ITPK1: variants seen among roughly 807,000 people sequenced by gnomAD.
ITPK1 encodes inositol-tetrakisphosphate 1-kinase.
In ITPK1, 21 loss-of-function variants were observed where a neutral mutation model predicts 45.3. The ratio of observed to expected loss-of-function variants is 0.46; its 90% CI spans 0.33 to 0.67. The LOEUF is 0.67. Ranked by LOEUF, ITPK1 falls within the 30% of genes least tolerant of loss-of-function variation. The pLI is 0.02. For synonymous variants in ITPK1, 258 were observed against 253.6 expected (o/e 1.02, Z -0.16); for missense variants, 474 against 573.5 (o/e 0.83, Z 1.77).
chr14:93,036,204 G>A lies in ITPK1; in HGVS notation c.121-19403C>T, dbSNP rs1889310425. ...CTGCGGGGAGCAGAGGCCACAACCGGAGGGACACTGTCCCCGTCCTACTGG... is the reference window on the plus strand; with the variant it reads ...CTGCGGGGAGCAGAGGCCACAACCGAAGGGACACTGTCCCCGTCCTACTGG... On this transcript the variant is annotated intron_variant, in intron 3 of 10. Coordinates refer to ENST00000267615, the MANE Select transcript of ITPK1 (RefSeq NM_014216.6). The surrounding 1 kb of genome is among the most constrained non-coding windows in gnomAD (Gnocchi z 4.1). Among the ~76,000 whole-genome samples the A allele has an allele frequency of 1.3e-5, 2 of 152,168 alleles. No homozygotes were observed. The highest frequency in any genetic ancestry group is 4.1e-4 in the South Asian group (2 of 4,834).
chr14:93,102,112 G>A (rs535476640), intron 2 of ITPK1, among the ~76,000 whole-genome samples: 5 of 152,334 alleles, frequency 3.3e-5, no homozygotes, highest in South Asian at 2.1e-4. Context: ...CAGGCACCTC[G>A]TCAGCTCCCC....
chr14:93,058,275 G>A lies in ITPK1; in HGVS notation c.120+18320C>T, dbSNP rs544629961. Reference sequence around the variant, plus strand: ...CAGTCTGGAAGGTCGAAGCCAGAGTGGCCATGCGGGACTCTGGGTAGGGAC... The same window carrying A: ...CAGTCTGGAAGGTCGAAGCCAGAGTAGCCATGCGGGACTCTGGGTAGGGAC... On this transcript the variant is annotated intron_variant, in intron 3 of 10. Transcript: ENST00000267615. Among the ~76,000 whole-genome samples, 9 of 151,022 alleles carry A rather than the reference G, an allele frequency of 6.0e-5. No individual in the cohort carries two copies. The South Asian group carries it at 1.9e-3, about 32-fold the overall frequency.
intron 5 of ITPK1, among the ~76,000 whole-genome samples, chr14:92,976,218 G>C (rs968026640): frequency 6.6e-6 from 1 of 152,208 alleles, no homozygotes; most frequent in Non-Finnish European, 1.5e-5. Context: ...TTAGCAGATA[G>C]CAGATTGTGG....
rs1299742572 is a variant in ITPK1, at chr14:93,115,463, C to T, written c.-142-158G>A. ...CGCCCACCGGCTCGCGAGCGCCGCG[C>T]CGCCCGGCCTGCCGGCTGAGGCTGG... On this transcript the variant is annotated intron_variant, in intron 1 of 10. Transcript: ENST00000267615. 4.0e-5 allele frequency among the ~76,000 whole-genome samples: 6 copies of T among 149,048 alleles called. No individual in the cohort carries two copies. In the South Asian group the frequency reaches 1.2e-3, roughly 31 times the overall value.
chr14:93,068,228 C>T (rs1260923911), intron 3 of ITPK1: 1 of 152,244 alleles, frequency 6.6e-6, no homozygotes, highest in Non-Finnish European at 1.5e-5. Context: ...AGCCAGGAAA[C>T]AGACTCAGAA....
intron 3 of ITPK1, chr14:93,068,981 G>T (rs1244418829): frequency 2.0e-5 from 3 of 152,454 alleles, no homozygotes; most frequent in African/African-American, 7.2e-5. Context: ...TGCTCCTCCT[G>T]CACCCCCATG....
At chr14:93,043,286 A>G (rs1595163631) in intron 3 of ITPK1, among the ~76,000 whole-genome samples, 1 of 140,758 alleles carries the variant, frequency 7.1e-6, no homozygotes, top group South Asian at 2.2e-4. Context: ...AATCCACCCC[A>G]GTTTATGTGC....
intron 10 of ITPK1, among the ~76,000 whole-genome samples, chr14:92,943,461 C>T (rs922543464): frequency 7.2e-5 from 11 of 152,212 alleles, no homozygotes; most frequent in Admixed American, 2.0e-4. Flanking sequence ...CCATAGGACC[C>T]GGGGTGTCCG....
intron 5 of ITPK1, among the ~76,000 whole-genome samples, chr14:92,972,579 TTTTG>T (rs145042737): frequency 3.1e-4 from 47 of 152,218 alleles, no homozygotes; most frequent in Admixed American, 4.6e-4. Context: ...TTCCCAACTC[TTTTG>T]TTTGTTTGTT....
intron 2 of ITPK1, among the ~76,000 whole-genome samples, chr14:93,097,363 A>C (rs1203249919): frequency 2.0e-5 from 3 of 152,222 alleles, no homozygotes; most frequent in Non-Finnish European, 4.4e-5. Flanking sequence ...ATCCACTGTT[A>C]GTGTCAGGAA....
intron 3 of ITPK1, among the ~76,000 whole-genome samples, chr14:93,026,267 T>TA (rs1415953263): frequency 6.6e-6 from 1 of 152,210 alleles, no homozygotes; most frequent in East Asian, 1.9e-4. Context: ...CTCTCTCAAA[T>TA]ATATTAAGAT....
intron 4 of ITPK1, among the ~76,000 whole-genome samples, chr14:92,996,868 C>A (rs1887082432): frequency 6.6e-6 from 1 of 152,158 alleles, no homozygotes; most frequent in African/African-American, 2.4e-5. Context: ...TCAGAGTCAC[C>A]TTTGGGCAAG....
intron 2 of ITPK1, among the ~76,000 whole-genome samples, chr14:93,113,890 CG>C (rs1170003207): frequency 6.6e-6 from 1 of 152,152 alleles, no homozygotes; most frequent in Non-Finnish European, 1.5e-5. Flanking sequence ...GGGGCTTGCA[CG>C]GGGCAAAGGA....
chr14:93,078,380 C>T (rs886591355), intron 2 of ITPK1, among the ~76,000 whole-genome samples: 1 of 152,202 alleles, frequency 6.6e-6, no homozygotes, highest in Non-Finnish European at 1.5e-5. Flanking sequence ...AAAGGAGCCA[C>T]TCCATGAGAC....
chr14:93,056,042 G>C (rs960151347), intron 3 of ITPK1, among the ~76,000 whole-genome samples: 1 of 152,180 alleles, frequency 6.6e-6, no homozygotes, highest in Non-Finnish European at 1.5e-5. Flanking sequence ...AACATCACCC[G>C]GTCTGGGGAA....
intron 3 of ITPK1, among the ~76,000 whole-genome samples, chr14:93,043,891 A>T (rs73332194): frequency 6.6e-6 from 1 of 152,018 alleles, no homozygotes; most frequent in Non-Finnish European, 1.5e-5. Context: ...TCTGGCTTCA[A>T]CTCTGTTCCT....
intron 2 of ITPK1, among the ~76,000 whole-genome samples, chr14:93,113,742 T>C (rs1892835567): frequency 6.6e-6 from 1 of 152,224 alleles, no homozygotes; most frequent in Admixed American, 6.5e-5. Flanking sequence ...CTGCATGCCC[T>C]ATTGATCATG....
chr14:92,939,768 A>T lies in ITPK1; in HGVS notation c.*1793T>A. On this transcript the variant is annotated 3_prime_UTR_variant, in exon 11 of 11. Transcript: ENST00000267615. Reference sequence around the variant, plus strand: ...TGAGGCAGACTGGGATTGAAATTTTATTTTTAAAAGGTAAAGCTGTTTTAT... The same window carrying T: ...TGAGGCAGACTGGGATTGAAATTTTTTTTTTAAAAGGTAAAGCTGTTTTAT... The T allele has an allele frequency of 1.0e-6, 1 of 985,690 alleles. No homozygotes were observed. Among genetic ancestry groups the T allele is most frequent in the Non-Finnish European group, 1.2e-6 (1 of 829,964 alleles). 61.1% of individuals were successfully genotyped at this position (985,690 alleles called of 1,614,324 possible).
At chr14:93,088,576 G>A (rs376214199) in intron 2 of ITPK1, among the ~76,000 whole-genome samples, 68 of 152,082 alleles carry the variant, frequency 4.5e-4, no homozygotes, top group African/African-American at 1.6e-3. Context: ...GGCTGGTCTC[G>A]AACTCCCAAC....
Sources: allele counts gnomAD v4.1 joint callset (sites outside exome capture counted in the v4.1 genomes callset), GRCh38; gene constraint gnomAD v4.1.1; non-coding constraint Gnocchi (gnomAD v3.1); transcripts MANE v1.5; gene names NCBI Gene and HGNC (gene_info 2026-07-23, HGNC 2026-07-21).